XPO5: variants seen among roughly 807,000 people sequenced by gnomAD.
The protein encoded by XPO5 is exportin-5.
XPO5 carries 46 observed loss-of-function variants against 160.6 expected under a neutral mutation model. That is an observed-to-expected ratio of 0.29 (90% confidence interval 0.23 to 0.37). The LOEUF (loss-of-function observed/expected upper bound fraction) is 0.37, where lower values mean the gene tolerates loss of function less well. XPO5 is among the 10% of genes least tolerant of loss of function. The pLI, the probability that XPO5 is intolerant of heterozygous loss-of-function variation, is 1.00. For missense variants in XPO5, 1,090 were observed against 1,463.9 expected (o/e 0.74, Z 4.17); for synonymous variants, 537 against 519.3 (o/e 1.03, Z -0.46).
At chr6:43,529,519 A>T (rs1270913394) in intron 23 of XPO5, 1 of 216,182 alleles carries the variant, frequency 4.6e-6, no homozygotes, top group Non-Finnish European at 9.3e-6. Flanking sequence ...ACGCCACTGC[A>T]CTCCAGCCTG....
chr6:43,533,306 C>T (rs1007596259), intron 21 of XPO5: 3 of 151,130 alleles, frequency 2.0e-5, no homozygotes, highest in Admixed American at 6.6e-5. Flanking sequence ...GGTTAAAGGC[C>T]ATGATTTATT....
Position 43,575,882 on chromosome 6 carries a change from G to A in XPO5, c.-18C>T, listed in dbSNP as rs754350825. Reference sequence around the variant, plus strand: ...ATCGCCATGCCTAGCGCCACGCGCCGAGAGCGCACACCACTGCAGTCCCGG... The same window carrying A: ...ATCGCCATGCCTAGCGCCACGCGCCAAGAGCGCACACCACTGCAGTCCCGG... On this transcript the variant is annotated 5_prime_UTR_variant, in exon 1 of 32. Coordinates refer to ENST00000265351, the MANE Select transcript of XPO5 (RefSeq NM_020750.3). 6.8e-6 allele frequency: 11 copies of A among 1,612,554 alleles called. No individual in the cohort carries two copies. The East Asian group carries it at 1.8e-4, about 26-fold the overall frequency.
intron 18 of XPO5, 116 bp from the exon 19 acceptor site, chr6:43,547,823 G>A (rs1795035830): frequency 1.3e-6 from 1 of 779,402 alleles, no homozygotes; most frequent in South Asian, 1.6e-5. Flanking sequence ...TTTATAGTGA[G>A]AGGAGTATAA....
In XPO5 at chr6:43,565,557, C is replaced by T. The variant is rs761839045; in HGVS notation, c.911+103G>A. On this transcript the variant is annotated intron_variant, in intron 8 of 31. Coordinates refer to ENST00000265351, the MANE Select transcript of XPO5 (RefSeq NM_020750.3). ...TCCAGCCTGGGTGACAGAGCGAGAT[C>T]CATCTCAAAATAAAAAAAAAAAAAA... 1.5e-3 allele frequency: 1,574 copies of T among 1,043,970 alleles called. 3 individuals carry two copies. Among genetic ancestry groups the T allele is most frequent in the Non-Finnish European group, 2.0e-3 (1,487 of 761,622 alleles). The allele number at this position is 1,043,970 out of a possible 1,614,324, so 64.7% of individuals were successfully genotyped here.
chr6:43,573,824 T>TATA lies in XPO5; in HGVS notation c.106-224_106-223insTAT, dbSNP rs1491294581. Among the ~76,000 whole-genome samples the TATA allele has an allele frequency of 9.5e-3, 979 of 103,150 alleles. 7 individuals carry two copies. The highest frequency in any genetic ancestry group is 0.044 in the African/African-American group (725 of 16,504). The allele number at this position is 103,150 out of a possible 152,430, so 67.7% of individuals were successfully genotyped here. A position where few individuals can be genotyped will look rare whatever the true frequency, so the allele number is the denominator to read the frequency against. ...TATTAAATATATATATATATATATA[T>TATA]TTTTTTTTTTTTTTTTTGAGACGGA... is the stretch of plus-strand genomic sequence containing the variant. On this transcript the variant is annotated intron_variant, in intron 1 of 31. Coordinates refer to ENST00000265351, the MANE Select transcript of XPO5 (RefSeq NM_020750.3).
rs78434797 is a variant in XPO5, at chr6:43,555,696, C to G, written c.1441+140G>C. 2.9e-4 allele frequency: 294 copies of G among 1,026,376 alleles called. 1 individual carries two copies. The East Asian group carries it at 8.0e-3, about 28-fold the overall frequency. The allele number at this position is 1,026,376 out of a possible 1,614,324, so 63.6% of individuals were successfully genotyped here. A position where few individuals can be genotyped will look rare whatever the true frequency, so the allele number is the denominator to read the frequency against. On this transcript the variant is annotated intron_variant, in intron 13 of 31. Transcript: ENST00000265351. ...TTTGTGTCAGCCAATGAAAACGCTC[C>G]CTCTCCAGGATGAGCAAAGCTATTT...
At chr6:43,538,856 T>C (rs1475470160) in intron 20 of XPO5, 12 of 1,268,440 alleles carry the variant, frequency 9.5e-6, no homozygotes, top group African/African-American at 1.5e-5. Flanking sequence ...CTGGGTCTGC[T>C]GCACAGAGAC....
At chr6:43,528,598 T>C (rs1160083283) in intron 24 of XPO5, among the ~76,000 whole-genome samples, 3 of 151,912 alleles carry the variant, frequency 2.0e-5, no homozygotes, top group Non-Finnish European at 2.9e-5. Flanking sequence ...TAACAGGAGG[T>C]TAGGAGCAGA....
At chr6:43,529,782 G>A (rs1793845054) in intron 23 of XPO5, among the ~76,000 whole-genome samples, 1 of 151,730 alleles carries the variant, frequency 6.6e-6, no homozygotes, top group Non-Finnish European at 1.5e-5. Flanking sequence ...CTAGCTGGGT[G>A]TGGTGGTGCG....
At chr6:43,562,706 C>A (rs1158455327) in intron 8 of XPO5, among the ~76,000 whole-genome samples, 1 of 152,152 alleles carries the variant, frequency 6.6e-6, no homozygotes, top group Non-Finnish European at 1.5e-5. Flanking sequence ...GTGTCCAATG[C>A]AATCTCTGGA....
Position 43,538,855 on chromosome 6 carries a change from C to T in XPO5, c.2343-4848G>A, listed in dbSNP as rs112426863. 8.9e-5 allele frequency: 113 copies of T among 1,264,020 alleles called. 1 individual carries two copies. The African/African-American group carries it at 1.2e-3, about 14-fold the overall frequency. 78.3% of individuals were successfully genotyped at this position (1,264,020 alleles called of 1,614,324 possible). On this transcript the variant is annotated intron_variant, in intron 20 of 31. Transcript: ENST00000265351. ...TAGCCACAGCTGGAGCCTGGGTCTG[C>T]TGCACAGAGACTCTGGTGTGGGTCT...
rs758186855 is a variant in XPO5, at chr6:43,553,383, A to G, written c.1562T>C (p.Leu521Pro). 6.2e-7 allele frequency: 1 copy of G among 1,608,638 alleles called. No individual in the cohort carries two copies. The highest frequency in any genetic ancestry group is 1.1e-5 in the South Asian group (1 of 89,720). The change falls in exon 14 of 32, where the codon CTA becomes CCA. Residue 521 changes from leucine (L) to proline (P), a missense_variant. This residue lies in a region of XPO5 where 810 missense variants were observed against 1,139.0 expected (regional missense o/e 0.71). Transcript: ENST00000265351. The part of the protein sequence containing the change: ...ESVITQMFRT[L>P]NREEIPVNDG... ...GAAATAATTACTTACTTCTCTATTT[A>G]GTGTTCGAAACATCTGGGTGATAAC...
intron 20 of XPO5, chr6:43,539,471 AG>A (rs1794560728): frequency 6.3e-7 from 1 of 1,575,312 alleles, no homozygotes; most frequent in South Asian, 1.1e-5. Flanking sequence ...GATCTCCTCC[AG>A]GGACTTGATC....
In XPO5 at chr6:43,528,110, A is replaced by G. The variant is rs766840819; in HGVS notation, c.2822+49T>C. ...TGCCCGCTTCCTTTTCCCACCCCAA[A>G]CCTGGCTGCCAGTTCATCCACCAAG... is the stretch of plus-strand genomic sequence containing the variant. On this transcript the variant is annotated intron_variant, in intron 25 of 31. Transcript: ENST00000265351. 38 of 1,555,524 alleles carry G rather than the reference A, an allele frequency of 2.4e-5. No individual in the cohort carries two copies. The East Asian group carries it at 8.8e-4, about 36-fold the overall frequency.
At chr6:43,543,410 A>G (rs1490493682) in intron 20 of XPO5, among the ~76,000 whole-genome samples, 1 of 152,190 alleles carries the variant, frequency 6.6e-6, no homozygotes, top group African/African-American at 2.4e-5. Context: ...CCGTGATCGC[A>G]ACACTGCACC....
Position 43,572,574 on chromosome 6 carries a change from G to A in XPO5, c.232C>T (p.Arg78Trp), listed in dbSNP as rs1366410108. ...TCCAATCGAGACATGCCGTTCCACC[G>A]AAACCTGACCACCAAAATGCATAAA... is the stretch of plus-strand genomic sequence containing the variant. ...LQILEHVVKFRWNGMSRLEKV... is the reference protein window; with the variant it reads ...LQILEHVVKFWWNGMSRLEKV... Residue 78 changes from arginine (R) to tryptophan (W), a missense_variant, in exon 3 of 32, where the codon CGG becomes TGG. This residue lies in a region of XPO5 where 170 missense variants were observed against 227.0 expected (regional missense o/e 0.75). Coordinates refer to ENST00000265351, the MANE Select transcript of XPO5 (RefSeq NM_020750.3). 1 of 1,613,584 alleles carries A rather than the reference G, an allele frequency of 6.2e-7. No individual in the cohort carries two copies. The highest frequency in any genetic ancestry group is 8.5e-7 in the Non-Finnish European group (1 of 1,179,802).
chr6:43,569,472 G>A (rs1471036126), intron 5 of XPO5, among the ~76,000 whole-genome samples: 4 of 151,502 alleles, frequency 2.6e-5, no homozygotes, highest in East Asian at 2.0e-4. Context: ...GGTGGCTCAC[G>A]CCTACCATCC....
At position 43,547,678 on chromosome 6, in the gene XPO5, G is replaced by A. The variant is rs202182348; in HGVS notation, c.2090C>T (p.Ala697Val). ...RVLSDVDAFI[A>V]YVGTDQKSCD... ...GCTCTTCTGATCTGTACCCACATAC[G>A]CAATGAAAGCATCAACATCTGACAG... Residue 697 changes from alanine to valine, a missense_variant, in exon 19 of 32, where the codon GCG (alanine) becomes GTG (valine). Transcript: ENST00000265351. 2.3e-4 allele frequency: 368 copies of A among 1,613,898 alleles called. 1 individual carries two copies. Among genetic ancestry groups the A allele is most frequent in the Non-Finnish European group, 2.6e-4 (310 of 1,179,872 alleles).
chr6:43,526,815 C>A, intron 26 of XPO5, 68 bp from the exon 27 acceptor site: 1 of 1,518,622 alleles, frequency 6.6e-7, no homozygotes, highest in Non-Finnish European at 9.0e-7. Flanking sequence ...CACCTCAGGC[C>A]CACTGATCCC....
Sources: gnomAD v4.1 joint callset for allele counts (sites outside exome capture counted in the v4.1 genomes callset) on GRCh38, gnomAD v4.1.1 for gene constraint, gnomAD v4.1.1 regional missense constraint, MANE v1.5 for transcripts, NCBI Gene and HGNC (gene_info 2026-07-23, HGNC 2026-07-21) for gene names.